RPS6KC1: variants seen among roughly 807,000 people sequenced by gnomAD.
RPS6KC1 encodes inactive ribosomal protein S6 kinase delta-1.
Under a neutral mutation model 103.8 loss-of-function variants are expected in RPS6KC1, and 54 were observed. The ratio of observed to expected loss-of-function variants is 0.52; its 90% CI spans 0.42 to 0.65. The LOEUF (loss-of-function observed/expected upper bound fraction) is 0.65, where lower values mean the gene tolerates loss of function less well. Among genes scored for constraint, RPS6KC1 ranks in the 30% least tolerant of loss-of-function variants. The pLI is 0.00. For synonymous variants in RPS6KC1, 439 were observed against 438.7 expected (o/e 1.00, Z -0.01); for missense variants, 1,151 against 1,253.8 (o/e 0.92, Z 1.24).
At chr1:213,155,877 A>G (rs1013885779) in intron 6 of RPS6KC1, among the ~76,000 whole-genome samples, 4 of 152,224 alleles carry the variant, frequency 2.6e-5, no homozygotes, top group Non-Finnish European at 4.4e-5. Context: ...TCGTAAAAGC[A>G]AGACCTAAAA....
chr1:213,234,015 T>C (rs1558595642), intron 10 of RPS6KC1, among the ~76,000 whole-genome samples: 1 of 118,588 alleles, frequency 8.4e-6, no homozygotes, highest in African/African-American at 4.3e-5. Context: ...TCTCTCTCTC[T>C]TTTTTTTTTT....
chr1:213,241,075 C>T lies in RPS6KC1; in HGVS notation c.1599C>T (p.Pro533=). The T allele has an allele frequency of 6.2e-7, 1 of 1,613,466 alleles. No homozygotes were observed. The highest frequency in any genetic ancestry group is 8.5e-7 in the Non-Finnish European group (1 of 1,179,892). The change falls in exon 11 of 15, where the codon CCC becomes CCT. Residue 533 remains proline, a synonymous_variant. Coordinates refer to ENST00000366960, the MANE Select transcript of RPS6KC1 (RefSeq NM_012424.6). ...AACCAGGGTCTTTGAATGAGGAGCCCTTCATGAAGACTGAAGGGAATGGTG... is the reference window on the plus strand; with the variant it reads ...AACCAGGGTCTTTGAATGAGGAGCCTTTCATGAAGACTGAAGGGAATGGTG... The part of the protein sequence containing the change: ...KIEPGSLNEE[P]FMKTEGNGVD...
the RPS6KC1 span, among the ~76,000 whole-genome samples, chr1:213,291,988 A>G: frequency 1.3e-5 from 2 of 151,942 alleles, no homozygotes; most frequent in Admixed American, 6.6e-5. Context: ...TTCCAGCACC[A>G]TTTATTAAAT....
At chr1:213,416,661 G>A in the RPS6KC1 span, among the ~76,000 whole-genome samples, 4 of 152,182 alleles carry the variant, frequency 2.6e-5, no homozygotes, top group Admixed American at 6.5e-5. Flanking sequence ...CCAGACCCTG[G>A]TGTCGTGCCT....
chr1:213,636,482 C>A, the RPS6KC1 span, among the ~76,000 whole-genome samples: 1 of 152,158 alleles, frequency 6.6e-6, no homozygotes, highest in African/African-American at 2.4e-5. Flanking sequence ...ACTCTCTGAT[C>A]TTTGACAATC....
chr1:213,847,596 A>G, the RPS6KC1 span, among the ~76,000 whole-genome samples: 2 of 152,180 alleles, frequency 1.3e-5, no homozygotes, highest in Non-Finnish European at 2.9e-5. Context: ...ACATCATAGG[A>G]CAGGTGAGGC....
the RPS6KC1 span, among the ~76,000 whole-genome samples, chr1:213,584,308 A>G: frequency 6.6e-6 from 1 of 152,222 alleles, no homozygotes; most frequent in African/African-American, 2.4e-5. Flanking sequence ...ATGGACTAAT[A>G]CACATCATTA....
the RPS6KC1 span, among the ~76,000 whole-genome samples, chr1:213,489,280 C>A: frequency 1.3e-5 from 2 of 152,052 alleles, no homozygotes; most frequent in East Asian, 3.9e-4. Flanking sequence ...AGAGTTGGTA[C>A]CCTAGGTGTG....
chr1:213,589,739 G>A, the RPS6KC1 span, among the ~76,000 whole-genome samples: 1 of 151,638 alleles, frequency 6.6e-6, no homozygotes, highest in South Asian at 2.1e-4. Flanking sequence ...CCCATACATT[G>A]TACCACCCAT....
chr1:213,562,024 C>T, the RPS6KC1 span, among the ~76,000 whole-genome samples: 1 of 152,160 alleles, frequency 6.6e-6, no homozygotes, highest in East Asian at 1.9e-4. Context: ...TTACCTTTGA[C>T]CTTGAGCAGC....
the RPS6KC1 span, among the ~76,000 whole-genome samples, chr1:213,663,133 A>C: frequency 0.032 from 4,890 of 152,278 alleles, 259 homozygotes; most frequent in African/African-American, 0.11. Context: ...TTATTGGGTT[A>C]TTGTGAGGAT....
chr1:213,455,208 C>CT, the RPS6KC1 span, among the ~76,000 whole-genome samples: 7 of 152,292 alleles, frequency 4.6e-5, no homozygotes, highest in East Asian at 1.4e-3. Context: ...TGTCCTACAT[C>CT]TGTTTCCCTG....
At chr1:213,431,473 C>T in the RPS6KC1 span, among the ~76,000 whole-genome samples, 1 of 152,144 alleles carries the variant, frequency 6.6e-6, no homozygotes, top group Non-Finnish European at 1.5e-5. Context: ...TATCCACTCT[C>T]CCCTAAAGCT....
intron 6 of RPS6KC1, among the ~76,000 whole-genome samples, chr1:213,150,975 G>T (rs547004050): frequency 7.4e-6 from 1 of 134,404 alleles, no homozygotes; most frequent in African/African-American, 2.9e-5. Flanking sequence ...CGGATGGGGC[G>T]GCTGGCCGGG....
the RPS6KC1 span, among the ~76,000 whole-genome samples, chr1:213,286,024 G>T: frequency 6.6e-6 from 1 of 152,166 alleles, no homozygotes; most frequent in Non-Finnish European, 1.5e-5. Context: ...ACCGTCTGAC[G>T]TGGGACAAAA....
chr1:213,617,201 C>T, the RPS6KC1 span, among the ~76,000 whole-genome samples: 8,991 of 152,246 alleles, frequency 0.059, 591 homozygotes, highest in East Asian at 0.28. Context: ...GGGATCACTA[C>T]ATGGTGGCTA....
chr1:213,095,804 T>C (rs2081398875), intron 3 of RPS6KC1, among the ~76,000 whole-genome samples: 1 of 152,230 alleles, frequency 6.6e-6, no homozygotes, highest in Non-Finnish European at 1.5e-5. Context: ...AGAAATACTA[T>C]ATTGCTAAAA....
chr1:213,260,892 G>A (rs991591490), intron 12 of RPS6KC1, among the ~76,000 whole-genome samples: 1 of 152,134 alleles, frequency 6.6e-6, no homozygotes, highest in African/African-American at 2.4e-5. Flanking sequence ...AGATAAAAGT[G>A]TAATTTGTAG....
chr1:213,517,720 A>G, the RPS6KC1 span, among the ~76,000 whole-genome samples: 5 of 152,290 alleles, frequency 3.3e-5, no homozygotes, highest in South Asian at 1.0e-3. Context: ...TTTGGGGTGG[A>G]AAGTTCTGTA....
Sources: gnomAD v4.1 joint callset for allele counts (sites outside exome capture counted in the v4.1 genomes callset) on GRCh38, gnomAD v4.1.1 for gene constraint, MANE v1.5 for transcripts, NCBI Gene and HGNC (gene_info 2026-07-23, HGNC 2026-07-21) for gene names.